Variants in ANKRD28 observed in about 807,000 individuals in gnomAD.
The protein encoded by ANKRD28 is serine/threonine-protein phosphatase 6 regulatory ankyrin repeat subunit A.
Under a neutral mutation model 126.5 loss-of-function variants are expected in ANKRD28, and 44 were observed. That is an observed-to-expected ratio of 0.35 (90% CI 0.27 to 0.45). The LOEUF (loss-of-function observed/expected upper bound fraction) is 0.45. ANKRD28 is among the 20% of genes least tolerant of loss of function. ANKRD28 has a pLI of 1.00. For missense variants in ANKRD28, 1,110 were observed against 1,316.6 expected, an observed-to-expected ratio of 0.84 and a Z score of 2.43; for synonymous variants, 442 against 468.5, an observed-to-expected ratio of 0.94 and a Z score of 0.73.
At chr3:15,782,073 T>C (rs180837255) in intron 2 of ANKRD28, among the ~76,000 whole-genome samples, 137 of 152,266 alleles carry the variant, frequency 9.0e-4, no homozygotes, top group African/African-American at 2.9e-3. Context: ...ATTTCTAAGT[T>C]ATGCATTTTG....
chr3:15,832,956 G>A (rs1192165602), intron 1 of ANKRD28, among the ~76,000 whole-genome samples: 1 of 152,206 alleles, frequency 6.6e-6, no homozygotes, highest in Non-Finnish European at 1.5e-5. Flanking sequence ...TAGTGGGACT[G>A]CAGAATCAAA....
intron 5 of ANKRD28, among the ~76,000 whole-genome samples, chr3:15,735,829 T>G (rs750010784): frequency 3.9e-5 from 6 of 152,198 alleles, no homozygotes; most frequent in Non-Finnish European, 8.8e-5. Flanking sequence ...GTCCAAAATG[T>G]TAAAAGTGCA....
At chr3:15,696,837 T>A (rs897547993) in intron 14 of ANKRD28, among the ~76,000 whole-genome samples, 4 of 152,074 alleles carry the variant, frequency 2.6e-5, no homozygotes, top group African/African-American at 9.7e-5. Flanking sequence ...AAAATAATTT[T>A]AAAAAACACT....
chr3:15,782,991 C>T (rs760990860), intron 2 of ANKRD28, among the ~76,000 whole-genome samples: 4 of 151,842 alleles, frequency 2.6e-5, no homozygotes, highest in Non-Finnish European at 5.9e-5. Flanking sequence ...AACTATAAAA[C>T]TTCTAGAAGA....
chr3:15,714,452 A>T, intron 9 of ANKRD28, 126 bp downstream of exon 9: 1 of 687,480 alleles, frequency 1.5e-6, no homozygotes. Context: ...TGAGCTCTGA[A>T]ATCATGTATT....
Position 15,796,459 on chromosome 3 carries a change from A to G in ANKRD28, c.63T>C (p.Ser21=), listed in dbSNP as rs1012633311. 7.8e-7 allele frequency: 1 copy of G among 1,288,988 alleles called. No individual in the cohort carries two copies. The highest frequency in any genetic ancestry group is 1.0e-6 in the Non-Finnish European group (1 of 988,264). 79.8% of individuals were successfully genotyped at this position (1,288,988 alleles called of 1,614,324 possible). Residue 21 remains serine, a synonymous_variant, in exon 1 of 28, where the codon TCT becomes TCC. Transcript: ENST00000683139. The stretch of plus-strand genomic sequence containing the variant: ...GGGATTTATTTTCCTGTGGCAATTT[A>G]GAAATGAATGCAGGAGATTCATCTT... ...EVEDESPAFI[S]KLPQENKSLH...
intron 4 of ANKRD28, among the ~76,000 whole-genome samples, chr3:15,750,485 A>G (rs979505164): frequency 1.3e-5 from 2 of 152,226 alleles, no homozygotes; most frequent in African/African-American, 2.4e-5. Context: ...TCTAAGTTCC[A>G]TAAGTTCATA....
At chr3:15,785,382 C>A (rs1310649588) in intron 2 of ANKRD28, among the ~76,000 whole-genome samples, 2 of 152,066 alleles carry the variant, frequency 1.3e-5, no homozygotes, top group African/African-American at 4.8e-5. Flanking sequence ...AGAACACAAA[C>A]CTGTTTAAAA....
chr3:15,732,518 A>C (rs1260258029), intron 6 of ANKRD28: 3 of 152,250 alleles, frequency 2.0e-5, no homozygotes, highest in Non-Finnish European at 2.9e-5. Context: ...CAGGACACGC[A>C]AAAGTGTGTT....
At chr3:15,702,335 T>C (rs1239746694) in intron 14 of ANKRD28, among the ~76,000 whole-genome samples, 1 of 152,218 alleles carries the variant, frequency 6.6e-6, no homozygotes. Context: ...CTTGAAAATG[T>C]GAACTTCATT....
chr3:15,783,450 G>C (rs965977718), intron 2 of ANKRD28, among the ~76,000 whole-genome samples: 2 of 151,884 alleles, frequency 1.3e-5, no homozygotes, highest in African/African-American at 4.8e-5. Context: ...CAATCAGTTT[G>C]GGAAACAGTT....
Position 15,685,270 on chromosome 3 carries a change from G to T in ANKRD28, c.2345C>A (p.Ala782Glu), listed in dbSNP as rs2067980300. The change falls in exon 21 of 28, where the codon GCA (alanine) becomes GAA (glutamate). Residue 782 changes from alanine to glutamate, a missense_variant. Transcript: ENST00000683139. ...AASMDANPAT[A>E]DNHGYTALHW... is the part of the protein sequence containing the mutation. Reference sequence around the variant, plus strand: ...AAGTGCCGTATATCCATGATTGTCTGCTGTGGCTGGATTTGCATCCATAGA... The same window carrying T: ...AAGTGCCGTATATCCATGATTGTCTTCTGTGGCTGGATTTGCATCCATAGA... 1 of 1,613,858 alleles carries T rather than the reference G, an allele frequency of 6.2e-7. No individual in the cohort carries two copies. Among genetic ancestry groups the T allele is most frequent in the Admixed American group, 1.7e-5 (1 of 59,996 alleles).
At position 15,853,533 on chromosome 3, in the gene ANKRD28, G is replaced by A. The variant is rs1317499601; in HGVS notation, c.27+5844C>T. Among the ~76,000 whole-genome samples the A allele has an allele frequency of 1.3e-5, 2 of 151,994 alleles. No homozygotes were observed. The highest frequency in any genetic ancestry group is 2.9e-5 in the Non-Finnish European group (2 of 68,012). ...CGCCCAGGCTGGAGTGCAGTAGTAC[G>A]ATTCTGGCTCACTGCAAGCTCCGCC... is the stretch of plus-strand genomic sequence containing the variant. On this transcript the variant is annotated intron_variant, in intron 1 of 27. Transcript: ENST00000399451. This position sits in a 1 kb window ranked among gnomAD's most constrained non-coding sequence, Gnocchi z 4.2.
intron 14 of ANKRD28, among the ~76,000 whole-genome samples, chr3:15,702,631 C>CA (rs1312813072): frequency 3.3e-5 from 5 of 152,136 alleles, no homozygotes; most frequent in Non-Finnish European, 5.9e-5. Context: ...CTTACCCTAC[C>CA]ACTCATGAAC....
At chr3:15,819,181 G>C (rs2060891593) in intron 1 of ANKRD28, among the ~76,000 whole-genome samples, 1 of 152,174 alleles carries the variant, frequency 6.6e-6, no homozygotes, top group African/African-American at 2.4e-5. Flanking sequence ...GGGAGGCTGA[G>C]GTGGGAGGAT....
intron 3 of ANKRD28, 136 bp from the exon 4 acceptor site, chr3:15,751,956 C>T (rs1181510789): frequency 8.8e-6 from 5 of 571,024 alleles, no homozygotes; most frequent in Non-Finnish European, 1.5e-5. Flanking sequence ...ACACTTTCTG[C>T]TGATAAAATT....
chr3:15,772,666 T>C (rs1257383038), intron 2 of ANKRD28, among the ~76,000 whole-genome samples: 1 of 152,220 alleles, frequency 6.6e-6, no homozygotes, highest in African/African-American at 2.4e-5. Flanking sequence ...CATGTACTCA[T>C]GATTTTTAAA....
At chr3:15,855,600 T>C (rs1156829124) in intron 1 of ANKRD28, among the ~76,000 whole-genome samples, 1 of 152,190 alleles carries the variant, frequency 6.6e-6, no homozygotes, top group Non-Finnish European at 1.5e-5. Context: ...TTCCTAAACA[T>C]GATACAAAAA....
At chr3:15,769,237 T>C (rs1164647742) in intron 2 of ANKRD28, among the ~76,000 whole-genome samples, 1 of 152,206 alleles carries the variant, frequency 6.6e-6, no homozygotes, top group Non-Finnish European at 1.5e-5. Flanking sequence ...ATGATTCATA[T>C]GAACACAGTT....
Sources: allele counts gnomAD v4.1 joint callset (sites outside exome capture counted in the v4.1 genomes callset), GRCh38; gene constraint gnomAD v4.1.1; non-coding constraint Gnocchi (gnomAD v3.1); transcripts MANE v1.5; gene names NCBI Gene and HGNC (gene_info 2026-07-23, HGNC 2026-07-21).